Variants in ABTB3 observed in about 807,000 individuals in gnomAD.
ABTB3 encodes ankyrin repeat- and BTB/POZ domain-containing protein 3.
At chr12:107,571,164 C>A in the ABTB3 span, among the ~76,000 whole-genome samples, 2 of 152,196 alleles carry the variant, frequency 1.3e-5, no homozygotes, top group Non-Finnish European at 2.9e-5. Context: ...GTTTGTTGAG[C>A]ATTTACTATG....
chr12:107,500,252 C>T, the ABTB3 span, among the ~76,000 whole-genome samples: 3 of 152,202 alleles, frequency 2.0e-5, no homozygotes, highest in Admixed American at 6.5e-5. Context: ...GAAGAGCCTG[C>T]GCCCGCTCCC....
chr12:107,338,767 T>C, the ABTB3 span, among the ~76,000 whole-genome samples: 5 of 152,200 alleles, frequency 3.3e-5, no homozygotes, highest in African/African-American at 1.2e-4. Flanking sequence ...TCAGCAGTCA[T>C]CAGAGGTGAT....
At chr12:107,493,984 G>T in the ABTB3 span, among the ~76,000 whole-genome samples, 2 of 152,222 alleles carry the variant, frequency 1.3e-5, no homozygotes, top group Admixed American at 6.5e-5. Context: ...AAGCCAGTAA[G>T]TGTAGAACTT....
At chr12:107,479,555 C>T in the ABTB3 span, among the ~76,000 whole-genome samples, 7 of 151,922 alleles carry the variant, frequency 4.6e-5, no homozygotes, top group Admixed American at 1.3e-4. Flanking sequence ...AGGTGTTTGC[C>T]GTTATTATTC....
At chr12:107,461,621 C>T in the ABTB3 span, among the ~76,000 whole-genome samples, 4 of 152,222 alleles carry the variant, frequency 2.6e-5, no homozygotes, top group African/African-American at 2.4e-5. Context: ...TATAAATCCT[C>T]GGCTCTTGTG....
the ABTB3 span, among the ~76,000 whole-genome samples, chr12:107,532,369 A>G: frequency 2.1e-4 from 32 of 152,212 alleles, no homozygotes; most frequent in Admixed American, 2.1e-3. Flanking sequence ...GCAAAACCAT[A>G]CCACATCCAT....
the ABTB3 span, among the ~76,000 whole-genome samples, chr12:107,431,544 G>A: frequency 2.0e-5 from 3 of 152,144 alleles, no homozygotes; most frequent in Non-Finnish European, 2.9e-5. Context: ...GGGCGGCGGA[G>A]GTTGCAGTGA....
the ABTB3 span, among the ~76,000 whole-genome samples, chr12:107,584,954 G>A: frequency 2.0e-5 from 3 of 151,908 alleles, no homozygotes; most frequent in African/African-American, 7.3e-5. Flanking sequence ...CAAACCTGGT[G>A]AATTCTCCCT....
chr12:107,634,093 A>T, the ABTB3 span, among the ~76,000 whole-genome samples: 1 of 152,170 alleles, frequency 6.6e-6, no homozygotes, highest in Non-Finnish European at 1.5e-5. Flanking sequence ...TGTGAATCAC[A>T]TCTGAGGTGA....
the ABTB3 span, among the ~76,000 whole-genome samples, chr12:107,384,694 C>A: frequency 6.6e-6 from 1 of 152,266 alleles, no homozygotes; most frequent in East Asian, 1.9e-4. Context: ...GGTCTTTGTA[C>A]CCCCACACCA....
the ABTB3 span, among the ~76,000 whole-genome samples, chr12:107,423,589 T>G: frequency 6.6e-6 from 1 of 151,008 alleles, no homozygotes; most frequent in Admixed American, 6.6e-5. Flanking sequence ...AGGAGAGAGG[T>G]TGGTGATGAG....
chr12:107,601,802 G>T, the ABTB3 span, among the ~76,000 whole-genome samples: 20 of 152,308 alleles, frequency 1.3e-4, no homozygotes, highest in African/African-American at 4.8e-4. Context: ...TTTGTAAAAA[G>T]CTTACAATAT....
the ABTB3 span, among the ~76,000 whole-genome samples, chr12:107,535,087 T>C: frequency 1.3e-5 from 2 of 152,106 alleles, no homozygotes; most frequent in Admixed American, 1.3e-4. Context: ...AGAAACATAA[T>C]ACATCGTAAT....
At chr12:107,552,394 T>C in the ABTB3 span, among the ~76,000 whole-genome samples, 1 of 152,244 alleles carries the variant, frequency 6.6e-6, no homozygotes, top group African/African-American at 2.4e-5. Flanking sequence ...AGAAGGAACT[T>C]TGAATGACTC....
At chr12:107,324,588 T>A in the ABTB3 span, among the ~76,000 whole-genome samples, 1 of 152,232 alleles carries the variant, frequency 6.6e-6, no homozygotes. Context: ...CTGGATGTAG[T>A]CCCTTATGTT....
chr12:107,560,106 G>T, the ABTB3 span, among the ~76,000 whole-genome samples: 1 of 152,002 alleles, frequency 6.6e-6, no homozygotes, highest in Non-Finnish European at 1.5e-5. Flanking sequence ...ATTCCTGGTA[G>T]TACTATAGAA....
chr12:107,418,229 T>C, the ABTB3 span, among the ~76,000 whole-genome samples: 1 of 152,198 alleles, frequency 6.6e-6, no homozygotes, highest in Non-Finnish European at 1.5e-5. Flanking sequence ...TAGACTGGCT[T>C]AGCCTCCCAG....
chr12:107,416,819 ATGGGGGTC>A, the ABTB3 span, among the ~76,000 whole-genome samples: 1 of 152,158 alleles, frequency 6.6e-6, no homozygotes, highest in African/African-American at 2.4e-5. Flanking sequence ...TTTTGTAGAC[ATGGGGGTC>A]TCACTATGTT....
At chr12:107,352,653 C>A in the ABTB3 span, among the ~76,000 whole-genome samples, 43 of 152,170 alleles carry the variant, frequency 2.8e-4, 1 homozygote, top group South Asian at 6.2e-3. Flanking sequence ...TATCAGGGAG[C>A]CTTAAGAGCT....
Sources: allele counts gnomAD v4.1 joint callset (sites outside exome capture counted in the v4.1 genomes callset), GRCh38; gene constraint gnomAD v4.1.1; transcripts MANE v1.5; gene names NCBI Gene and HGNC (gene_info 2026-07-23, HGNC 2026-07-21).